Variants in ELMO1 observed in about 807,000 individuals in gnomAD.
ELMO1 encodes engulfment and cell motility 1.
In ELMO1, 26 loss-of-function variants were observed where a neutral mutation model predicts 98.9. That is an observed-to-expected ratio of 0.26 (90% CI 0.19 to 0.36). ELMO1 has a LOEUF of 0.36. ELMO1 is among the 10% of genes least tolerant of loss of function. ELMO1 has a pLI of 1.00. For synonymous variants in ELMO1, 346 were observed against 346.0 expected, an observed-to-expected ratio of 1.00 and a Z score of 0.00; for missense variants, 627 against 935.2, an observed-to-expected ratio of 0.67 and a Z score of 4.30.
At chr7:37,297,878 C>A (rs1026384491) in intron 4 of ELMO1, among the ~76,000 whole-genome samples, 3 of 152,150 alleles carry the variant, frequency 2.0e-5, no homozygotes, top group Admixed American at 2.0e-4. Flanking sequence ...AAGTCTAGAG[C>A]TGTGAAACAA....
intron 16 of ELMO1, among the ~76,000 whole-genome samples, chr7:36,951,241 C>T (rs565288559): frequency 3.8e-4 from 58 of 152,284 alleles, no homozygotes; most frequent in African/African-American, 1.3e-3. Flanking sequence ...CAGTGCAAGG[C>T]ATTGCTTAAG....
At chr7:37,058,432 G>C in intron 15 of ELMO1, among the ~76,000 whole-genome samples, 1 of 152,056 alleles carries the variant, frequency 6.6e-6, no homozygotes, top group East Asian at 1.9e-4. Flanking sequence ...TCTCTCTCTT[G>C]CTCTCTTCAC....
intron 2 of ELMO1, among the ~76,000 whole-genome samples, chr7:37,321,268 C>T (rs1488313681): frequency 6.6e-6 from 1 of 152,124 alleles, no homozygotes; most frequent in Non-Finnish European, 1.5e-5. Flanking sequence ...GCCAGCTCTG[C>T]CTTATGGACT....
intron 1 of ELMO1, among the ~76,000 whole-genome samples, chr7:37,380,364 A>G (rs980915865): frequency 6.6e-6 from 1 of 152,194 alleles, no homozygotes; most frequent in Admixed American, 6.5e-5. Flanking sequence ...ACTGACACCC[A>G]TTTCCCAGTA....
chr7:37,178,626 A>T (rs1790647851), intron 13 of ELMO1, among the ~76,000 whole-genome samples: 2 of 151,140 alleles, frequency 1.3e-5, no homozygotes, highest in South Asian at 4.2e-4. Context: ...AATTAGAAAA[A>T]AAACAGTATT....
At chr7:37,224,840 G>A (rs780026397) in intron 9 of ELMO1, 39 bp downstream of exon 9, 1 of 1,604,690 alleles carries the variant, frequency 6.2e-7, no homozygotes, top group Non-Finnish European at 8.5e-7. Flanking sequence ...CCATCTTCCT[G>A]AAGCATTTCT....
chr7:37,252,604 G>A (rs1268435965), intron 6 of ELMO1, among the ~76,000 whole-genome samples: 7 of 152,066 alleles, frequency 4.6e-5, no homozygotes, highest in African/African-American at 1.4e-4. Flanking sequence ...AGACTTAAAC[G>A]TAAGACCTAA....
intron 13 of ELMO1, among the ~76,000 whole-genome samples, chr7:37,149,532 C>T (rs1161114691): frequency 6.6e-6 from 1 of 152,120 alleles, no homozygotes; most frequent in Non-Finnish European, 1.5e-5. Flanking sequence ...ACATGAAATT[C>T]AAATTTCAGC....
intron 13 of ELMO1, among the ~76,000 whole-genome samples, chr7:37,168,516 G>C (rs1258319548): frequency 6.6e-6 from 1 of 151,720 alleles, no homozygotes; most frequent in East Asian, 1.9e-4. Context: ...TGGGTTTTTG[G>C]TGTGGATGTC....
In ELMO1 at chr7:37,059,278, C is replaced by A. The variant is rs189761697; in HGVS notation, c.1300+37341G>T. Among the ~76,000 whole-genome samples, 122 of 152,278 alleles carry A rather than the reference C, an allele frequency of 8.0e-4. 1 individual carries two copies. The highest frequency in any genetic ancestry group is 2.8e-3 in the African/African-American group (116 of 41,560). On this transcript the variant is annotated intron_variant, in intron 15 of 21. Transcript: ENST00000310758. ...GGAACAGGGTTCCAGCAAGTCACAG[C>A]CCTTTGCAGTGCTTGTCAAGAGTGG...
chr7:37,396,404 CA>C (rs987129626), intron 1 of ELMO1, among the ~76,000 whole-genome samples: 54 of 150,540 alleles, frequency 3.6e-4, no homozygotes, highest in African/African-American at 1.3e-3. Flanking sequence ...ACAAAAAAGG[CA>C]AAAAAAATGT....
intron 16 of ELMO1, among the ~76,000 whole-genome samples, chr7:36,927,339 G>T (rs1562830749): frequency 6.6e-6 from 1 of 152,182 alleles, no homozygotes; most frequent in Non-Finnish European, 1.5e-5. Flanking sequence ...GAAACAACTA[G>T]CGAAATCAAG....
intron 11 of ELMO1, among the ~76,000 whole-genome samples, chr7:37,214,324 T>C (rs1244222898): frequency 2.0e-5 from 3 of 152,204 alleles, no homozygotes. Context: ...ACTCATGCCA[T>C]GTTATCTGAA....
chr7:37,207,438 G>C (rs1792699758), intron 13 of ELMO1, among the ~76,000 whole-genome samples: 1 of 150,650 alleles, frequency 6.6e-6, no homozygotes, highest in African/African-American at 2.4e-5. Flanking sequence ...TGTAGTCCCA[G>C]CTATTCAGGA....
Position 37,172,934 on chromosome 7 carries a change from A to G in ELMO1, c.1086+38452T>C, listed in dbSNP as rs570477254. The stretch of plus-strand genomic sequence containing the variant: ...ACTCATCTCAGCAAGCTCCTAGCAG[A>G]TTGACTTTTTACTGTGCAAGGAGTA... On this transcript the variant is annotated intron_variant, in intron 13 of 21. Coordinates refer to ENST00000310758, the MANE Select transcript of ELMO1 (RefSeq NM_014800.11). Among the ~76,000 whole-genome samples the G allele has an allele frequency of 8.5e-5, 13 of 152,300 alleles. No homozygotes were observed. The South Asian group carries it at 2.7e-3, about 32-fold the overall frequency.
chr7:37,269,032 A>T (rs1020464099), intron 5 of ELMO1, among the ~76,000 whole-genome samples: 8 of 152,256 alleles, frequency 5.3e-5, no homozygotes, highest in Admixed American at 3.3e-4. Context: ...AGGAACTTCG[A>T]AAGCTAGTAT....
chr7:37,231,477 T>C (rs1480687738), intron 8 of ELMO1, among the ~76,000 whole-genome samples: 1 of 152,190 alleles, frequency 6.6e-6, no homozygotes, highest in Non-Finnish European at 1.5e-5. Context: ...ATAACTTCTG[T>C]AGCATTCTTG....
At chr7:37,165,793 A>T (rs1328794635) in intron 13 of ELMO1, among the ~76,000 whole-genome samples, 2 of 152,274 alleles carry the variant, frequency 1.3e-5, no homozygotes, top group Admixed American at 6.5e-5. Context: ...TTGGTTTAAA[A>T]TTCTCTTTTT....
chr7:37,335,991 C>G (rs1249026600), intron 2 of ELMO1, among the ~76,000 whole-genome samples: 1 of 152,112 alleles, frequency 6.6e-6, no homozygotes, highest in Non-Finnish European at 1.5e-5. Flanking sequence ...CTTTGGGAGG[C>G]TGAGGTGGGA....
Sources: gnomAD v4.1 joint callset for allele counts (sites outside exome capture counted in the v4.1 genomes callset) on GRCh38, gnomAD v4.1.1 for gene constraint, MANE v1.5 for transcripts, NCBI Gene and HGNC (gene_info 2026-07-23, HGNC 2026-07-21) for gene names.